BAIAP2L1: variants seen among roughly 807,000 people sequenced by gnomAD.
The protein encoded by BAIAP2L1 is BAR/IMD domain containing adaptor protein 2 like 1.
Under a neutral mutation model 66.3 loss-of-function variants are expected in BAIAP2L1, and 35 were observed. The ratio of observed to expected loss-of-function variants is 0.53; its 90% CI spans 0.40 to 0.70. BAIAP2L1 has a LOEUF of 0.70. BAIAP2L1 is among the 30% of genes least tolerant of loss of function. The probability of loss-of-function intolerance (pLI) is 0.00; values close to 1 mark genes in which losing one functional copy is unlikely to be tolerated. For missense variants in BAIAP2L1, 622 were observed against 656.9 expected (o/e 0.95, Z 0.58); for synonymous variants, 269 against 248.7 (o/e 1.08, Z -0.77).
rs781577715 is a variant in BAIAP2L1 at position 98,307,690 on chromosome 7, C to T, written c.1162G>A (p.Ala388Thr). ...WLYGEHDVSK[A>T]RGWFPSSYTK... ...GGGGACCATCACGCCCAGACTTACG[C>T]CTTGGACACGTCGTGTTCTCCATAG... Residue 388 changes from alanine (A) to threonine (T), a missense_variant and splice_region_variant, in exon 10 of 14, where the codon GCG becomes ACG. Ala to Thr is a moderately conservative substitution (Grantham distance 58). Transcript: ENST00000005260. The T allele has an allele frequency of 6.2e-7, 1 of 1,613,866 alleles. No homozygotes were observed. The highest frequency in any genetic ancestry group is 1.7e-5 in the Admixed American group (1 of 60,030).
At chr7:98,378,358 GAAGA>G (rs1584497490) in intron 1 of BAIAP2L1, among the ~76,000 whole-genome samples, 1 of 152,114 alleles carries the variant, frequency 6.6e-6, no homozygotes, top group East Asian at 1.9e-4. Flanking sequence ...CACAGGGTGG[GAAGA>G]GGCATTGAAA....
intron 1 of BAIAP2L1, among the ~76,000 whole-genome samples, chr7:98,373,039 C>A (rs1381171211): frequency 2.6e-5 from 4 of 152,208 alleles, no homozygotes; most frequent in Non-Finnish European, 5.9e-5. Flanking sequence ...CACGCCCGGT[C>A]AAGATCAATT....
chr7:98,368,651 A>C (rs1250816370), intron 1 of BAIAP2L1, among the ~76,000 whole-genome samples: 2 of 152,154 alleles, frequency 1.3e-5, no homozygotes, highest in Admixed American at 6.6e-5. Context: ...AGATCGCACC[A>C]CTGCACTCTA....
chr7:98,342,104 T>G (rs921647825), intron 3 of BAIAP2L1, among the ~76,000 whole-genome samples: 1 of 143,878 alleles, frequency 7.0e-6, no homozygotes, highest in Non-Finnish European at 1.5e-5. Flanking sequence ...CAGGCTGGAG[T>G]GCAGTGGTGT....
rs141812095 is a variant in BAIAP2L1, at chr7:98,362,733, G to C, written c.52-301C>G. Among the ~76,000 whole-genome samples the C allele has an allele frequency of 4.6e-3, 700 of 152,284 alleles. 11 individuals carry two copies. The highest frequency in any genetic ancestry group is 0.016 in the African/African-American group (660 of 41,568). On this transcript the variant is annotated intron_variant, in intron 1 of 13. Transcript: ENST00000005260. ...GTCTCTACCATACCCTGCAGGGACT[G>C]TAGGCCTGGCATCCTCTTGGGTTTG... is the stretch of plus-strand genomic sequence containing the variant.
rs73709467 is a variant in BAIAP2L1 at position 98,335,514 on chromosome 7, T to C, written c.215-15216A>G. Among the ~76,000 whole-genome samples, 148 of 152,366 alleles carry C rather than the reference T, an allele frequency of 9.7e-4. 1 individual carries two copies. The highest frequency in any genetic ancestry group is 3.5e-3 in the African/African-American group (146 of 41,588). ...GTATCTTGAAGGTGGGGACCAAGTC[T>C]TATTAATGCTGTAAATAAGGACCTT... On this transcript the variant is annotated intron_variant, in intron 3 of 13. Transcript: ENST00000005260.
At chr7:98,293,886 A>G (rs10953255) in intron 13 of BAIAP2L1, among the ~76,000 whole-genome samples, 188 bp downstream of exon 13, 61,236 of 152,140 alleles carry the variant, frequency 0.4, 13,444 homozygotes, top group Middle Eastern at 0.54. Context: ...GGGGTGGGGA[A>G]GCCCTGCTCC....
intron 1 of BAIAP2L1, among the ~76,000 whole-genome samples, chr7:98,373,010 G>A (rs985658408): frequency 2.0e-5 from 3 of 152,188 alleles, no homozygotes; most frequent in Non-Finnish European, 2.9e-5. Context: ...AAAGTGCTGG[G>A]ACTACAGGTG....
chr7:98,391,708 CAA>C (rs35659859), intron 1 of BAIAP2L1, among the ~76,000 whole-genome samples: 27,385 of 99,068 alleles, frequency 0.28, 2,324 homozygotes, highest in East Asian at 0.43. Context: ...GACTCCGTCT[CAA>C]AAAAAAAAAA....
At chr7:98,393,058 T>C (rs1385728786) in intron 1 of BAIAP2L1, among the ~76,000 whole-genome samples, 2 of 123,362 alleles carry the variant, frequency 1.6e-5, no homozygotes, top group East Asian at 4.1e-4. Context: ...TGTACATATA[T>C]GTACACATAT....
At chr7:98,310,988 A>G (rs1403544311) in intron 8 of BAIAP2L1, among the ~76,000 whole-genome samples, 1 of 152,074 alleles carries the variant, frequency 6.6e-6, no homozygotes, top group East Asian at 1.9e-4. Flanking sequence ...GACTGGCCAC[A>G]TTTCAGGGGG....
intron 9 of BAIAP2L1, chr7:98,310,098 GC>G (rs1459482017): frequency 4.9e-6 from 1 of 205,370 alleles, no homozygotes; most frequent in Admixed American, 6.4e-5. Flanking sequence ...TGATCCACCT[GC>G]CTCGGCCTCC....
intron 1 of BAIAP2L1, among the ~76,000 whole-genome samples, chr7:98,396,059 G>A (rs956417340): frequency 3.9e-5 from 6 of 152,064 alleles, no homozygotes; most frequent in Admixed American, 2.0e-4. Flanking sequence ...ATTCCACACA[G>A]TTTTTAGTCA....
Position 98,355,028 on chromosome 7 carries a change from G to A in BAIAP2L1, c.214+14C>T. 1 of 1,602,838 alleles carries A rather than the reference G, an allele frequency of 6.2e-7. No individual in the cohort carries two copies. Among genetic ancestry groups the A allele is most frequent in the Non-Finnish European group, 8.5e-7 (1 of 1,169,720 alleles). On this transcript the variant is annotated intron_variant, in intron 3 of 13. Transcript: ENST00000005260. ...GACAAGTGGGGTTTATGTATAAAGGGACAGATCGCTCACCCAGTTCAGTTG... is the reference window on the plus strand; with the variant it reads ...GACAAGTGGGGTTTATGTATAAAGGAACAGATCGCTCACCCAGTTCAGTTG...
intron 1 of BAIAP2L1, among the ~76,000 whole-genome samples, chr7:98,384,656 T>C (rs999396069): frequency 6.6e-6 from 1 of 151,706 alleles, no homozygotes; most frequent in Admixed American, 6.6e-5. Flanking sequence ...TCTAGCTAAC[T>C]TCCTTCAACC....
Position 98,292,970 on chromosome 7 carries a change from G to C in BAIAP2L1, c.*551C>G. 8.4e-7 allele frequency: 1 copy of C among 1,189,696 alleles called. No homozygotes were observed. Among genetic ancestry groups the C allele is most frequent in the South Asian group, 3.7e-5 (1 of 27,010 alleles). 73.7% of individuals were successfully genotyped at this position (1,189,696 alleles called of 1,614,324 possible). On this transcript the variant is annotated 3_prime_UTR_variant, in exon 14 of 14. Transcript: ENST00000005260. ...TGGCGTGGTTGGAGGGAGGGTGGGG[G>C]TTTCTCCATCTCTGGAAGCTCTACA...
intron 3 of BAIAP2L1, among the ~76,000 whole-genome samples, chr7:98,344,737 C>A (rs1169872300): frequency 6.6e-6 from 1 of 152,142 alleles, no homozygotes; most frequent in Non-Finnish European, 1.5e-5. Context: ...GAGTTTGAGA[C>A]CAGCCTGACC....
chr7:98,312,221 G>C lies in BAIAP2L1; in HGVS notation c.683C>G (p.Thr228Ser), dbSNP rs776896950. ...TGGCACTTTGATGGCATCAACACAGGTCTCCTGCCACCGAGGCAGCTTGGA... is the reference window on the plus strand; with the variant it reads ...TGGCACTTTGATGGCATCAACACAGCTCTCCTGCCACCGAGGCAGCTTGGA... ...LNSKLPRWQE[T>S]CVDAIKVPEK... Residue 228 changes from threonine (T) to serine (S), a missense_variant, in exon 8 of 14, where the codon ACC becomes AGC. Thr to Ser is a moderately conservative substitution (Grantham distance 58). Transcript: ENST00000005260. 3.5e-5 allele frequency: 56 copies of C among 1,613,656 alleles called. No individual in the cohort carries two copies. The highest frequency in any genetic ancestry group is 4.3e-5 in the Non-Finnish European group (51 of 1,179,924).
intron 1 of BAIAP2L1, among the ~76,000 whole-genome samples, chr7:98,380,554 C>A (rs1202341871): frequency 1.3e-5 from 2 of 151,906 alleles, no homozygotes; most frequent in Non-Finnish European, 2.9e-5. Context: ...TTATCTCCCA[C>A]CAGGTTCCTC....
Sources: gnomAD v4.1 joint callset for allele counts (sites outside exome capture counted in the v4.1 genomes callset) on GRCh38, gnomAD v4.1.1 for gene constraint, MANE v1.5 for transcripts, NCBI Gene and HGNC (gene_info 2026-07-23, HGNC 2026-07-21) for gene names.